ZNF407: variants seen among roughly 807,000 people sequenced by gnomAD.
ZNF407 encodes the protein zinc finger protein 407.
ZNF407 carries 17 observed loss-of-function variants against 131.2 expected under a neutral mutation model. The ratio of observed to expected loss-of-function variants is 0.13; its 90% CI spans 0.09 to 0.19. The LOEUF is 0.19. Ranked by LOEUF, ZNF407 falls within the 10% of genes least tolerant of loss-of-function variation. The pLI, the probability that ZNF407 is intolerant of heterozygous loss-of-function variation, is 1.00. For synonymous variants in ZNF407, 1,156 were observed against 1,062.0 expected (o/e 1.09, Z -1.72); for missense variants, 2,681 against 2,830.6 (o/e 0.95, Z 1.20).
chr18:74,922,086 T>C lies in ZNF407; in HGVS notation c.5428+1394T>C, dbSNP rs573701047. On this transcript the variant is annotated intron_variant, in intron 8 of 8. Transcript: ENST00000299687. ...TTTGGCAAACAAACAAAAACAGAGG[T>C]CTCTGCTCATTCCCTTTTGGTGAGG... 1.4e-4 allele frequency among the ~76,000 whole-genome samples: 21 copies of C among 152,234 alleles called. No individual in the cohort carries two copies. In the South Asian group the frequency reaches 4.4e-3, roughly 32 times the overall value.
chr18:74,996,217 C>T (rs1972778646), intron 8 of ZNF407, among the ~76,000 whole-genome samples: 1 of 151,972 alleles, frequency 6.6e-6, no homozygotes, highest in Non-Finnish European at 1.5e-5. Context: ...GAGGCAGGCG[C>T]CAACAAGCAT....
At chr18:74,797,380 A>G (rs1859705032) in intron 4 of ZNF407, among the ~76,000 whole-genome samples, 1 of 152,212 alleles carries the variant, frequency 6.6e-6, no homozygotes, top group African/African-American at 2.4e-5. Flanking sequence ...ACATAGATCT[A>G]AGTCTATTTG....
At chr18:74,664,611 A>G (rs372509088) in intron 3 of ZNF407, among the ~76,000 whole-genome samples, 1 of 152,312 alleles carries the variant, frequency 6.6e-6, no homozygotes, top group African/African-American at 2.4e-5. Flanking sequence ...GATTTCTAAA[A>G]TAGTGCTTAA....
intron 8 of ZNF407, among the ~76,000 whole-genome samples, chr18:75,044,880 C>G (rs978779815): frequency 6.6e-6 from 1 of 152,158 alleles, no homozygotes; most frequent in Admixed American, 6.5e-5. Context: ...ATTTGTACAT[C>G]ATAGTTCTTC....
At chr18:74,968,241 G>A (rs1972431026) in intron 8 of ZNF407, among the ~76,000 whole-genome samples, 2 of 152,152 alleles carry the variant, frequency 1.3e-5, no homozygotes, top group African/African-American at 2.4e-5. Context: ...ACCACTTTGA[G>A]TGAGGTATGG....
chr18:74,922,636 C>G (rs188713297), intron 8 of ZNF407, among the ~76,000 whole-genome samples: 62 of 152,112 alleles, frequency 4.1e-4, no homozygotes, highest in African/African-American at 1.3e-3. Context: ...ATGTGCTATA[C>G]CCTTGGTATC....
chr18:74,872,491 C>T (rs1270163937), intron 4 of ZNF407, among the ~76,000 whole-genome samples: 1 of 151,764 alleles, frequency 6.6e-6, no homozygotes, highest in Non-Finnish European at 1.5e-5. Flanking sequence ...TTTTTGGGCA[C>T]GGCGGCTCAC....
intron 8 of ZNF407, among the ~76,000 whole-genome samples, chr18:74,998,791 G>A (rs1381606003): frequency 4.6e-5 from 4 of 87,422 alleles, no homozygotes; most frequent in African/African-American, 4.9e-5. Context: ...TCAGTGTGGC[G>A]ATTCCTCAGG....
rs1182032183 is a variant in ZNF407 at position 74,886,366 on chromosome 18, T to C, written c.5129-3552T>C. On this transcript the variant is annotated intron_variant, in intron 6 of 8. Transcript: ENST00000299687. The stretch of plus-strand genomic sequence containing the variant: ...TGGCAGTTTCTTACAAAGCAAAATA[T>C]ATACCTACCATATTATACACATATG... 2.6e-5 allele frequency among the ~76,000 whole-genome samples: 4 copies of C among 152,038 alleles called. No individual in the cohort carries two copies. In the East Asian group the frequency reaches 7.7e-4, roughly 29 times the overall value.
In ZNF407 at chr18:75,064,399, C is replaced by G; in HGVS notation, c.6678C>G (p.Thr2226=). 6.5e-7 allele frequency: 1 copy of G among 1,549,146 alleles called. No homozygotes were observed. The highest frequency in any genetic ancestry group is 8.7e-7 in the Non-Finnish European group (1 of 1,148,284). The change falls in exon 9 of 9, where the codon ACC becomes ACG. Residue 2226 remains threonine (T), a synonymous_variant. Transcript: ENST00000299687. The part of the protein sequence containing the change: ...AEQLASVVIY[T]QEGSSAAAAI... ...AGCTGGCCAGCGTGGTCATCTACAC[C>G]CAGGAGGGCTCCTCGGCCGCGGCGG...
At chr18:74,763,762 G>T (rs7240511) in intron 3 of ZNF407, among the ~76,000 whole-genome samples, 135,088 of 142,050 alleles carry the variant, frequency 0.95, 64,624 homozygotes, top group Non-Finnish European at 1. Flanking sequence ...CAGGCTGGAG[G>T]GCAGTGGCGC....
rs548145371 is a variant in ZNF407 at position 74,986,295 on chromosome 18, G to A, written c.5428+65603G>A. 8.5e-5 allele frequency among the ~76,000 whole-genome samples: 13 copies of A among 152,120 alleles called. No individual in the cohort carries two copies. The South Asian group carries it at 2.7e-3, about 32-fold the overall frequency. The stretch of plus-strand genomic sequence containing the variant: ...GGGAATAGTTAACATACTTTAGGAT[G>A]CTAGATGCACTGCCAGAAAACTTTA... On this transcript the variant is annotated intron_variant, in intron 8 of 8. Coordinates refer to ENST00000299687, the MANE Select transcript of ZNF407 (RefSeq NM_017757.3).
intron 4 of ZNF407, 23 bp from the exon 5 acceptor site, chr18:74,877,174 T>G (rs1971170264): frequency 6.2e-7 from 1 of 1,612,138 alleles, no homozygotes; most frequent in South Asian, 1.1e-5. Flanking sequence ...ATATTTATAT[T>G]GTTTTCTCTC....
chr18:75,047,724 A>G (rs897298764), intron 8 of ZNF407, among the ~76,000 whole-genome samples: 3 of 152,272 alleles, frequency 2.0e-5, no homozygotes, highest in African/African-American at 7.2e-5. Flanking sequence ...GTACAAGCAC[A>G]GTAATCAAAT....
chr18:74,703,983 G>T lies in ZNF407; in HGVS notation c.4802+62861G>T, dbSNP rs1967562488. Among the ~76,000 whole-genome samples the T allele has an allele frequency of 6.6e-6, 1 of 151,852 alleles. No homozygotes were observed. Among genetic ancestry groups the T allele is most frequent in the Non-Finnish European group, 1.5e-5 (1 of 67,992 alleles). Reference sequence around the variant, plus strand: ...ATTTTTTATTTTTTTGCATCTCACAGATAGTCATTCATGTCATGAAGTTAA... The same window carrying T: ...ATTTTTTATTTTTTTGCATCTCACATATAGTCATTCATGTCATGAAGTTAA... On this transcript the variant is annotated intron_variant, in intron 3 of 8. Coordinates refer to ENST00000299687, the MANE Select transcript of ZNF407 (RefSeq NM_017757.3). This position sits in a 1 kb window ranked among gnomAD's most constrained non-coding sequence, Gnocchi z 4.1.
intron 7 of ZNF407, among the ~76,000 whole-genome samples, chr18:74,918,366 G>T (rs1347644747): frequency 6.6e-6 from 1 of 152,220 alleles, no homozygotes; most frequent in Non-Finnish European, 1.5e-5. Context: ...TCATCATTGT[G>T]ATATTTACCT....
At chr18:74,695,998 A>G (rs1266008606) in intron 3 of ZNF407, among the ~76,000 whole-genome samples, 1 of 152,200 alleles carries the variant, frequency 6.6e-6, no homozygotes, top group Non-Finnish European at 1.5e-5. Context: ...TTGGTGTTAC[A>G]TGGGAACTGT....
chr18:75,004,741 T>C (rs909455148), intron 8 of ZNF407, among the ~76,000 whole-genome samples: 4 of 152,246 alleles, frequency 2.6e-5, no homozygotes, highest in Non-Finnish European at 5.9e-5. Flanking sequence ...TTGTTTTTCT[T>C]CAGCCGTCAT....
chr18:74,876,124 C>T (rs1395445616), intron 4 of ZNF407, among the ~76,000 whole-genome samples: 5 of 152,180 alleles, frequency 3.3e-5, no homozygotes, highest in African/African-American at 9.7e-5. Context: ...AGTATACACT[C>T]AACATCTCCT....
Sources: gnomAD v4.1 joint callset for allele counts (sites outside exome capture counted in the v4.1 genomes callset) on GRCh38, gnomAD v4.1.1 for gene constraint, Gnocchi (gnomAD v3.1) non-coding constraint, MANE v1.5 for transcripts, NCBI Gene and HGNC (gene_info 2026-07-23, HGNC 2026-07-21) for gene names.